Variants in PTPRD observed in about 807,000 individuals in gnomAD.
PTPRD encodes protein tyrosine phosphatase receptor type D.
PTPRD carries 34 observed loss-of-function variants against 214.5 expected under a neutral mutation model. The observed-to-expected ratio is 0.16, with a 90% confidence interval of 0.12 to 0.21. The LOEUF (loss-of-function observed/expected upper bound fraction) is 0.21, where lower values mean the gene tolerates loss of function less well. PTPRD is among the 10% of genes least tolerant of loss of function. The probability of loss-of-function intolerance (pLI) is 1.00; values close to 1 mark genes in which losing one functional copy is unlikely to be tolerated. For synonymous variants in PTPRD, 1,128 were observed against 845.7 expected (o/e 1.33, Z -5.79); for missense variants, 2,545 against 2,398.7 (o/e 1.06, Z -1.27).
At chr9:8,392,419 G>A (rs984312861) in intron 36 of PTPRD, among the ~76,000 whole-genome samples, 5 of 152,020 alleles carry the variant, frequency 3.3e-5, no homozygotes, top group African/African-American at 1.2e-4. Context: ...CCAGCTACCT[G>A]GGAGCCTGAG....
At chr9:9,076,555 G>A (rs564229958) in intron 10 of PTPRD, among the ~76,000 whole-genome samples, 2 of 152,000 alleles carry the variant, frequency 1.3e-5, no homozygotes, top group Non-Finnish European at 2.9e-5. Context: ...TATAATGTTC[G>A]TCTTTCTGTG....
intron 7 of PTPRD, among the ~76,000 whole-genome samples, chr9:9,733,760 C>G (rs1042826675): frequency 6.6e-6 from 1 of 152,128 alleles, no homozygotes; most frequent in African/African-American, 2.4e-5. Flanking sequence ...ACACACGTAT[C>G]TAAGCTAGAG....
At chr9:9,069,836 G>C (rs1422829473) in intron 10 of PTPRD, among the ~76,000 whole-genome samples, 5 of 152,146 alleles carry the variant, frequency 3.3e-5, no homozygotes, top group Non-Finnish European at 4.4e-5. Context: ...ATAAAAATGA[G>C]TTCACTAAAG....
At position 9,223,213 on chromosome 9, in the gene PTPRD, T is replaced by G. The variant is rs561993916; in HGVS notation, c.-202-39850A>C. ...TGAGTAACTGAGGAATAGAGCTGTGTGGGGGAGGTGGCATCAACATGTCAT... is the reference window on the plus strand; with the variant it reads ...TGAGTAACTGAGGAATAGAGCTGTGGGGGGGAGGTGGCATCAACATGTCAT... On this transcript the variant is annotated intron_variant, in intron 9 of 45. Transcript: ENST00000381196. Among the ~76,000 whole-genome samples the G allele has an allele frequency of 2.6e-5, 4 of 152,008 alleles. No homozygotes were observed. The South Asian group carries it at 6.2e-4, about 24-fold the overall frequency.
intron 2 of PTPRD, among the ~76,000 whole-genome samples, chr9:10,479,246 C>CA (rs1195241868): frequency 6.6e-6 from 1 of 152,122 alleles, no homozygotes; most frequent in Non-Finnish European, 1.5e-5. Context: ...TGGGCGTTTA[C>CA]ACACATGGTA....
intron 9 of PTPRD, among the ~76,000 whole-genome samples, chr9:9,210,121 A>G (rs2099947559): frequency 6.6e-6 from 1 of 152,150 alleles, no homozygotes; most frequent in Non-Finnish European, 1.5e-5. Flanking sequence ...TTTGCTCCAG[A>G]GAAACAAACA....
chr9:8,594,823 A>C (rs1453398004), intron 14 of PTPRD, among the ~76,000 whole-genome samples: 1 of 149,228 alleles, frequency 6.7e-6, no homozygotes. Context: ...GTATTTCTTT[A>C]TAGCAGTATG....
intron 9 of PTPRD, among the ~76,000 whole-genome samples, chr9:9,232,055 C>G (rs1321157687): frequency 1.3e-5 from 2 of 152,116 alleles, no homozygotes; most frequent in African/African-American, 4.8e-5. Flanking sequence ...TGGTACTATC[C>G]CTACAGTGTC....
At chr9:10,501,554 G>C (rs758497058) in intron 2 of PTPRD, among the ~76,000 whole-genome samples, 9 of 151,894 alleles carry the variant, frequency 5.9e-5, no homozygotes, top group Admixed American at 3.9e-4. Flanking sequence ...ACACCCAGCA[G>C]ATTTAACTGA....
intron 7 of PTPRD, among the ~76,000 whole-genome samples, chr9:9,658,455 T>A (rs2096562306): frequency 1.3e-5 from 2 of 152,166 alleles, no homozygotes; most frequent in Non-Finnish European, 2.9e-5. Context: ...AAGATTTCCT[T>A]CTTTACTGTT....
intron 10 of PTPRD, among the ~76,000 whole-genome samples, chr9:9,066,450 TA>T (rs1774218828): frequency 6.6e-6 from 1 of 152,220 alleles, no homozygotes; most frequent in Admixed American, 6.5e-5. Context: ...TTAATTGGAA[TA>T]AAATTTCTTA....
At chr9:8,978,322 T>C (rs1026529567) in intron 11 of PTPRD, among the ~76,000 whole-genome samples, 2 of 152,092 alleles carry the variant, frequency 1.3e-5, no homozygotes, top group Non-Finnish European at 2.9e-5. Flanking sequence ...ACTGTGTAAG[T>C]CCCTTATCAG....
intron 3 of PTPRD, among the ~76,000 whole-genome samples, chr9:10,039,294 T>C (rs1433579535): frequency 2.0e-5 from 3 of 152,034 alleles, no homozygotes; most frequent in East Asian, 3.8e-4. Context: ...AGAAAGACCA[T>C]AATTTATTTG....
intron 9 of PTPRD, among the ~76,000 whole-genome samples, chr9:9,216,663 C>G (rs2099952468): frequency 6.6e-6 from 1 of 152,044 alleles, no homozygotes; most frequent in Non-Finnish European, 1.5e-5. Context: ...CAGCTTGGGT[C>G]TAGAAAGACC....
chr9:9,201,615 T>G (rs2099941900), intron 9 of PTPRD, among the ~76,000 whole-genome samples: 1 of 152,212 alleles, frequency 6.6e-6, no homozygotes, highest in Non-Finnish European at 1.5e-5. Context: ...AACATTGAAC[T>G]TTTCTAAGCC....
chr9:9,645,271 T>C (rs1028164172), intron 7 of PTPRD, among the ~76,000 whole-genome samples: 8 of 152,168 alleles, frequency 5.3e-5, no homozygotes, highest in Admixed American at 2.0e-4. Context: ...TTCAGTTTTG[T>C]CACCTGTAAA....
chr9:8,344,248 C>T (rs1477502965), intron 39 of PTPRD, among the ~76,000 whole-genome samples: 1 of 152,044 alleles, frequency 6.6e-6, no homozygotes, highest in Non-Finnish European at 1.5e-5. Context: ...GTGGAAACCA[C>T]ACTGTAAACC....
intron 6 of PTPRD, among the ~76,000 whole-genome samples, chr9:9,750,961 C>T (rs1434406414): frequency 1.3e-5 from 2 of 152,032 alleles, no homozygotes; most frequent in Non-Finnish European, 2.9e-5. Context: ...CATTAAAGTG[C>T]ATTAAATCAT....
Position 9,833,691 on chromosome 9 carries a change from A to AGGGG in PTPRD, c.-367-66841_-367-66840insCCCC, listed in dbSNP as rs1192574811. On this transcript the variant is annotated intron_variant, in intron 5 of 45. Transcript: ENST00000381196. The stretch of plus-strand genomic sequence containing the variant: ...ACAGGTACGCTCCGGAGAGGGGGGC[A>AGGGG]GTTCAGAGACCTACCCCTAGGTGCA... Among the ~76,000 whole-genome samples, 40 of 125,318 alleles carry AGGGG rather than the reference A, an allele frequency of 3.2e-4. 1 individual carries two copies. In the East Asian group the frequency reaches 4.1e-3, roughly 13 times the overall value. The allele number at this position is 125,318 out of a possible 152,430, so 82.2% of individuals were successfully genotyped here. A position where few individuals can be genotyped will look rare whatever the true frequency, so the allele number is the denominator to read the frequency against.
Sources: allele counts gnomAD v4.1 joint callset (sites outside exome capture counted in the v4.1 genomes callset), GRCh38; gene constraint gnomAD v4.1.1; transcripts MANE v1.5; gene names NCBI Gene and HGNC (gene_info 2026-07-23, HGNC 2026-07-21).